The following KLHDC4 variants were observed in gnomAD, a reference collection of about 807,000 sequenced individuals.
KLHDC4 encodes the protein kelch domain-containing protein 4.
Under a neutral mutation model 62.4 loss-of-function variants are expected in KLHDC4, and 90 were observed. That is an observed-to-expected ratio of 1.44 (90% confidence interval 1.22 to 1.72). The LOEUF (loss-of-function observed/expected upper bound fraction) is 1.72, where lower values mean the gene tolerates loss of function less well. Ranked by LOEUF, KLHDC4 falls within the 40% of genes most tolerant of loss-of-function variation. The pLI is 0.00. For synonymous variants in KLHDC4, 386 were observed against 284.4 expected (o/e 1.36, Z -3.59); for missense variants, 1,025 against 699.7 (o/e 1.47, Z -5.25).
chr16:87,749,262 A>G (rs755847690), intron 4 of KLHDC4, among the ~76,000 whole-genome samples: 6 of 152,100 alleles, frequency 3.9e-5, no homozygotes, highest in Non-Finnish European at 7.4e-5. Context: ...CACGTAAAAG[A>G]AAGTGTTTAT....
intron 5 of KLHDC4, among the ~76,000 whole-genome samples, chr16:87,740,408 TG>T (rs1379756060): frequency 1.3e-5 from 2 of 152,092 alleles, no homozygotes; most frequent in Admixed American, 1.3e-4. Flanking sequence ...AACCCTACTT[TG>T]GGGGTTCCCA....
At chr16:87,721,261 A>G (rs762548661) in intron 7 of KLHDC4, among the ~76,000 whole-genome samples, 66 of 152,034 alleles carry the variant, frequency 4.3e-4, no homozygotes, top group Non-Finnish European at 7.5e-4. Context: ...TCTACTAAAA[A>G]TATAAAAAAT....
chr16:87,717,042 G>A (rs554413271), intron 7 of KLHDC4, among the ~76,000 whole-genome samples: 53 of 152,272 alleles, frequency 3.5e-4, no homozygotes, highest in African/African-American at 1.2e-3. Context: ...GACCAGCCTG[G>A]GCAATGGCAA....
chr16:87,738,565 C>G (rs530024895), intron 5 of KLHDC4, among the ~76,000 whole-genome samples: 27 of 147,950 alleles, frequency 1.8e-4, no homozygotes, highest in African/African-American at 6.2e-4. Context: ...ATCCACACAC[C>G]AGCACCTCAT....
At position 87,756,112 on chromosome 16, in the gene KLHDC4, C is replaced by T. The variant is rs548559485; in HGVS notation, c.270+287G>A. The T allele has an allele frequency of 3.1e-4, 81 of 264,100 alleles. 1 individual carries two copies. Among genetic ancestry groups the T allele is most frequent in the Non-Finnish European group, 5.3e-4 (71 of 134,894 alleles). 16.4% of individuals were successfully genotyped at this position (264,100 alleles called of 1,614,324 possible). On this transcript the variant is annotated intron_variant, in intron 3 of 11. Transcript: ENST00000270583. ...CCTGGAAACCCGCTGGGAGGAAGAA[C>T]AGCACAGACAACCACAAAGAGGGGT... is the stretch of plus-strand genomic sequence containing the variant.
chr16:87,702,131 G>A (rs1400938939), exon 1 of KLHDC4: 2 of 456,124 alleles, frequency 4.4e-6, no homozygotes, highest in African/African-American at 2.0e-5. Flanking sequence ...ATGATCGTGT[G>A]TGGAACAGAC....
At chr16:87,715,572 G>T (rs1231988713) in intron 7 of KLHDC4, among the ~76,000 whole-genome samples, 1 of 152,142 alleles carries the variant, frequency 6.6e-6, no homozygotes, top group Non-Finnish European at 1.5e-5. Flanking sequence ...TTGTCTCTGA[G>T]GACCATGATA....
downstream of KLHDC4, among the ~76,000 whole-genome samples, chr16:87,703,708 C>T (rs998445406): frequency 6.6e-6 from 1 of 152,180 alleles, no homozygotes; most frequent in Non-Finnish European, 1.5e-5. Context: ...ACAAGGAAAA[C>T]GGGCGTGAGC....
chr16:87,714,377 CTCCGCTCCGGGCAGGGTGCAGGGGCTCA>C, intron 8 of KLHDC4, 93 bp downstream of exon 8: 1 of 1,260,724 alleles, frequency 7.9e-7, no homozygotes. Flanking sequence ...TCGGCAGGCC[CTCCGCTCCGGGCAGGGTGCAGGGGCTCA>C]CCGCCAGCCC....
At chr16:87,756,860 C>T (rs180907556) in intron 2 of KLHDC4, among the ~76,000 whole-genome samples, 109 of 151,970 alleles carry the variant, frequency 7.2e-4, no homozygotes, top group Middle Eastern at 3.4e-3. Context: ...GTCACCCAGG[C>T]TGGAGTGCAA....
chr16:87,756,438 C>G lies in KLHDC4; in HGVS notation c.231G>C (p.Glu77Asp), dbSNP rs775364560. The G allele has an allele frequency of 1.2e-6, 2 of 1,614,074 alleles. No individual in the cohort carries two copies. Among genetic ancestry groups the G allele is most frequent in the Non-Finnish European group, 1.7e-6 (2 of 1,179,924 alleles). The change falls in exon 3 of 12, where the codon GAG becomes GAC. Residue 77 changes from glutamate (E) to aspartate (D), a missense_variant. Physicochemically the swap from Glu to Asp is conservative, Grantham distance 45 (BLOSUM62 2). Transcript: ENST00000270583. ...ASLSVHPEKD[E>D]LILFGGEYFN... ...AATATTCACCTCCAAAAAGGATTAA[C>G]TCATCTTTCTCAGGATGAACCGAGA...
intron 5 of KLHDC4, among the ~76,000 whole-genome samples, chr16:87,735,811 G>A (rs1337692337): frequency 6.6e-6 from 1 of 152,176 alleles, no homozygotes; most frequent in Non-Finnish European, 1.5e-5. Flanking sequence ...CGGCTGCCTC[G>A]AGGCTCAGCA....
intron 7 of KLHDC4, among the ~76,000 whole-genome samples, chr16:87,723,670 A>G (rs1044637296): frequency 6.6e-6 from 1 of 152,246 alleles, no homozygotes; most frequent in African/African-American, 2.4e-5. Context: ...GGTCATTCCG[A>G]TCAACTCGGT....
At chr16:87,746,098 T>TA (rs1213178672) in intron 5 of KLHDC4, among the ~76,000 whole-genome samples, 1 of 151,286 alleles carries the variant, frequency 6.6e-6, no homozygotes, top group African/African-American at 2.4e-5. Flanking sequence ...ACCCCATCTC[T>TA]AAAAAAAGAA....
In KLHDC4 at chr16:87,711,314, T is replaced by G; in HGVS notation, c.965A>C (p.Glu322Ala). The change falls in exon 9 of 12, where the codon GAG becomes GCG. Residue 322 changes from glutamate to alanine, a missense_variant. Glu to Ala is a moderately radical substitution (Grantham distance 107, BLOSUM62 -1). Transcript: ENST00000270583. ...FGGVCDEEEEESLSGEFFNDL... is the reference protein window; with the variant it reads ...FGGVCDEEEEASLSGEFFNDL... ...GTTGAAGAACTCGCCCGACAGGCTC[T>G]CCTCCTCTTCCTCGTCACAGACACC... 4 of 1,614,088 alleles carry G rather than the reference T, an allele frequency of 2.5e-6. No homozygotes were observed. The highest frequency in any genetic ancestry group is 3.4e-6 in the Non-Finnish European group (4 of 1,180,030).
intron 3 of KLHDC4, 176 bp from the exon 4 acceptor site, chr16:87,755,468 A>G: frequency 2.1e-6 from 1 of 479,124 alleles, no homozygotes; most frequent in Non-Finnish European, 3.8e-6. Flanking sequence ...TGACGACACA[A>G]TGAAAACGAC....
intron 5 of KLHDC4, among the ~76,000 whole-genome samples, chr16:87,734,961 T>C (rs1178229255): frequency 4.3e-5 from 2 of 47,032 alleles, no homozygotes; most frequent in African/African-American, 8.1e-5. Flanking sequence ...TCCTGACGAA[T>C]TGCCTGACGC....
At chr16:87,752,472 G>A (rs1477301129) in intron 4 of KLHDC4, among the ~76,000 whole-genome samples, 3 of 151,836 alleles carry the variant, frequency 2.0e-5, no homozygotes, top group Non-Finnish European at 2.9e-5. Flanking sequence ...GAGTAGCTGG[G>A]ATTACAGGCA....
chr16:87,711,285 G>A lies in KLHDC4; in HGVS notation c.994C>T (p.Leu332=). 1 of 1,614,172 alleles carries A rather than the reference G, an allele frequency of 6.2e-7. No homozygotes were observed. The highest frequency in any genetic ancestry group is 8.5e-7 in the Non-Finnish European group (1 of 1,180,042). ...ESLSGEFFND[L]YFYDATRNRW... is the part of the protein sequence containing the mutation. The stretch of plus-strand genomic sequence containing the variant: ...TTCCTGGTGGCGTCGTAGAAGTACA[G>A]ATCGTTGAAGAACTCGCCCGACAGG... Residue 332 remains leucine, a synonymous_variant, in exon 9 of 12, where the codon CTG becomes TTG. Coordinates refer to ENST00000270583, the MANE Select transcript of KLHDC4 (RefSeq NM_017566.4).
Sources: gnomAD v4.1 joint callset for allele counts (sites outside exome capture counted in the v4.1 genomes callset) on GRCh38, gnomAD v4.1.1 for gene constraint, MANE v1.5 for transcripts, NCBI Gene and HGNC (gene_info 2026-07-23, HGNC 2026-07-21) for gene names.